Variants in MYOM1 observed in about 807,000 individuals in gnomAD.
MYOM1 encodes myomesin 1.
A neutral mutation model predicts 205.3 loss-of-function variants in MYOM1; 164 were observed. The ratio of observed to expected loss-of-function variants is 0.80; its 90% confidence interval spans 0.70 to 0.91. The LOEUF (loss-of-function observed/expected upper bound fraction) is 0.91, where lower values mean the gene tolerates loss of function less well. Ranked by LOEUF, MYOM1 falls within the 40% of genes least tolerant of loss-of-function variation. MYOM1 has a pLI of 0.00. For synonymous variants in MYOM1, 772 were observed against 789.4 expected, an observed-to-expected ratio of 0.98 and a Z score of 0.37; for missense variants, 2,011 against 2,127.3, an observed-to-expected ratio of 0.95 and a Z score of 1.08.
intron 10 of MYOM1, among the ~76,000 whole-genome samples, chr18:3,155,506 G>A (rs1321581524): frequency 1.3e-5 from 2 of 152,208 alleles, no homozygotes; most frequent in African/African-American, 4.8e-5. Flanking sequence ...TTACAGGCGT[G>A]AGCCATCACA....
chr18:3,129,929 T>C (rs994513938), intron 17 of MYOM1, among the ~76,000 whole-genome samples: 11 of 152,172 alleles, frequency 7.2e-5, no homozygotes, highest in East Asian at 5.8e-4. Flanking sequence ...GATCCTAATT[T>C]TATAACACCT....
the MYOM1 span, among the ~76,000 whole-genome samples, chr18:3,242,530 A>C: frequency 6.6e-6 from 1 of 152,120 alleles, no homozygotes. Flanking sequence ...CTTTTCTGAG[A>C]TGGAGTCTTG....
intron 2 of MYOM1, among the ~76,000 whole-genome samples, chr18:3,206,160 T>C (rs2144226532): frequency 6.6e-6 from 1 of 152,330 alleles, no homozygotes; most frequent in African/African-American, 2.4e-5. Context: ...GGGTAGGACA[T>C]CCCAGGATGA....
chr18:3,225,092 G>A, the MYOM1 span, among the ~76,000 whole-genome samples: 6 of 151,886 alleles, frequency 4.0e-5, no homozygotes, highest in East Asian at 1.9e-4. Context: ...GGTTCACACC[G>A]TTCTCCTGCC....
intron 30 of MYOM1, 58 bp downstream of exon 30, chr18:3,085,980 G>C (rs1274572756): frequency 9.4e-7 from 1 of 1,058,836 alleles, no homozygotes; most frequent in African/African-American, 1.6e-5. Flanking sequence ...TTACTGTTTT[G>C]GGGTAAGATA....
chr18:3,134,612 A>G lies in MYOM1; in HGVS notation c.2384+38T>C, dbSNP rs17177458. 0.16 allele frequency: 250,887 copies of G among 1,567,694 alleles called. 22,105 individuals carry two copies. The highest frequency in any genetic ancestry group is 0.32 in the East Asian group (13,961 of 44,234). On this transcript the variant is annotated intron_variant, in intron 16 of 37. Transcript: ENST00000356443. ...TGCCGTATGTGTCTATGGCAGCTCC[A>G]GAGGCCATTGCCCGCCCTGCACACC...
the MYOM1 span, among the ~76,000 whole-genome samples, chr18:3,231,560 A>G: frequency 8.5e-6 from 1 of 117,242 alleles, no homozygotes; most frequent in Admixed American, 9.7e-5. Flanking sequence ...TTTTTTTTAG[A>G]CGGAATTTCA....
chr18:3,213,643 A>G (rs2081218480), intron 2 of MYOM1, among the ~76,000 whole-genome samples: 1 of 152,238 alleles, frequency 6.6e-6, no homozygotes, highest in Non-Finnish European at 1.5e-5. Context: ...TTGCTGTTGT[A>G]AAGTGTCATG....
At chr18:3,236,359 A>G in the MYOM1 span, 1 of 152,398 alleles carries the variant, frequency 6.6e-6, no homozygotes, top group African/African-American at 2.4e-5. Flanking sequence ...GGATAGTGGC[A>G]GTAGAAGTGG....
chr18:3,139,105 C>T (rs962329096), intron 14 of MYOM1, among the ~76,000 whole-genome samples: 1 of 152,116 alleles, frequency 6.6e-6, no homozygotes, highest in Non-Finnish European at 1.5e-5. Context: ...CATAGGGAGA[C>T]CCCATCTCTA....
chr18:3,166,440 C>A (rs1362838450), intron 9 of MYOM1, among the ~76,000 whole-genome samples: 1 of 151,220 alleles, frequency 6.6e-6, no homozygotes, highest in African/African-American at 2.4e-5. Flanking sequence ...CTGGCTAATT[C>A]TTTTTTTGTT....
At chr18:3,077,138 G>A (rs1000103173) in intron 34 of MYOM1, among the ~76,000 whole-genome samples, 2 of 151,322 alleles carry the variant, frequency 1.3e-5, no homozygotes, top group African/African-American at 2.4e-5. Flanking sequence ...TCTGCTTCTC[G>A]AGTAGCTGGG....
intron 16 of MYOM1, among the ~76,000 whole-genome samples, chr18:3,132,165 A>T (rs1039731423): frequency 2.0e-5 from 3 of 148,382 alleles, no homozygotes; most frequent in African/African-American, 7.4e-5. Flanking sequence ...ATATATATAT[A>T]TTTTGAGACG....
At chr18:3,079,478 T>C (rs2079060059) in intron 33 of MYOM1, 136 bp from the exon 34 acceptor site, 1 of 985,412 alleles carries the variant, frequency 1.0e-6, no homozygotes, top group Non-Finnish European at 1.4e-6. Context: ...GTTATTCTTC[T>C]GCTTCAGAAA....
At chr18:3,239,067 A>T in the MYOM1 span, among the ~76,000 whole-genome samples, 1 of 152,188 alleles carries the variant, frequency 6.6e-6, no homozygotes, top group African/African-American at 2.4e-5. Flanking sequence ...TAACACAATC[A>T]CAGGTTCTGG....
chr18:3,211,156 T>A (rs1470225574), intron 2 of MYOM1, among the ~76,000 whole-genome samples: 1 of 152,236 alleles, frequency 6.6e-6, no homozygotes, highest in East Asian at 1.9e-4. Context: ...AAGAAAACAT[T>A]CTTTTTAAAT....
At chr18:3,158,759 A>G (rs777371992) in intron 10 of MYOM1, among the ~76,000 whole-genome samples, 1 of 152,034 alleles carries the variant, frequency 6.6e-6, no homozygotes. Context: ...GATTATAGGT[A>G]TACTCCACTA....
intron 14 of MYOM1, among the ~76,000 whole-genome samples, chr18:3,140,107 T>C (rs2143934092): frequency 6.6e-6 from 1 of 152,296 alleles, no homozygotes; most frequent in Admixed American, 6.5e-5. Flanking sequence ...CTATTTTCTT[T>C]TAAAAAGCTT....
chr18:3,209,802 T>C lies in MYOM1; in HGVS notation c.290+5132A>G, dbSNP rs186501251. ...AATTCTAACCTGCACTCTTGGCCCA[T>C]GTCCCTGATCTCTCTTACCCTGCTC... is the stretch of plus-strand genomic sequence containing the variant. On this transcript the variant is annotated intron_variant, in intron 2 of 37. Coordinates refer to ENST00000356443, the MANE Select transcript of MYOM1 (RefSeq NM_003803.4). The surrounding 1 kb of genome is among the most constrained non-coding windows in gnomAD (Gnocchi z 4.0). Among the ~76,000 whole-genome samples, 7 of 152,344 alleles carry C rather than the reference T, an allele frequency of 4.6e-5. No individual in the cohort carries two copies. Among genetic ancestry groups the C allele is most frequent in the Admixed American group, 3.3e-4 (5 of 15,304 alleles).
Sources: gnomAD v4.1 joint callset for allele counts (sites outside exome capture counted in the v4.1 genomes callset) on GRCh38, gnomAD v4.1.1 for gene constraint, Gnocchi (gnomAD v3.1) non-coding constraint, MANE v1.5 for transcripts, NCBI Gene and HGNC (gene_info 2026-07-23, HGNC 2026-07-21) for gene names.